Variants in DCC observed in about 807,000 individuals in gnomAD.
The protein encoded by DCC is netrin receptor DCC.
In DCC, 58 loss-of-function variants were observed where a neutral mutation model predicts 172.5. That is an observed-to-expected ratio of 0.34 (90% CI 0.27 to 0.42). DCC has a LOEUF of 0.42. DCC is among the 10% of genes least tolerant of loss of function. The pLI, the probability that DCC is intolerant of heterozygous loss-of-function variation, is 1.00. For missense variants in DCC, 1,740 were observed against 1,791.0 expected, an observed-to-expected ratio of 0.97 and a Z score of 0.51; for synonymous variants, 709 against 644.5, an observed-to-expected ratio of 1.10 and a Z score of -1.52.
At chr18:53,269,368 G>C (rs2056720589) in intron 12 of DCC, among the ~76,000 whole-genome samples, 1 of 152,026 alleles carries the variant, frequency 6.6e-6, no homozygotes, top group Non-Finnish European at 1.5e-5. Context: ...TAACAACAAT[G>C]GTCTATTTTA....
intron 5 of DCC, among the ~76,000 whole-genome samples, chr18:52,977,387 T>C (rs1029682410): frequency 2.0e-5 from 3 of 152,106 alleles, no homozygotes; most frequent in South Asian, 2.1e-4. Flanking sequence ...ATGAGGACAT[T>C]TAAAAAGATC....
At position 52,844,213 on chromosome 18, in the gene DCC, A is replaced by G. The variant is rs185766972; in HGVS notation, c.413-61831A>G. On this transcript the variant is annotated intron_variant, in intron 2 of 28. Coordinates refer to ENST00000442544, the MANE Select transcript of DCC (RefSeq NM_005215.4). The stretch of plus-strand genomic sequence containing the variant: ...CTCACCTCCATATCTACTGTGCCCA[A>G]TCTCCTCTGGGCTTCAGGAATGCCT... 8.5e-4 allele frequency among the ~76,000 whole-genome samples: 130 copies of G among 152,222 alleles called. 1 individual carries two copies. The highest frequency in any genetic ancestry group is 2.6e-4 in the Non-Finnish European group (18 of 68,000).
chr18:52,872,456 A>G (rs2039336096), intron 2 of DCC, among the ~76,000 whole-genome samples: 1 of 152,180 alleles, frequency 6.6e-6, no homozygotes, highest in Non-Finnish European at 1.5e-5. Context: ...ACGAATGCCG[A>G]TCTACCCCAG....
In DCC at chr18:53,534,171, G is replaced by T. The variant is rs1027640564; in HGVS notation, c.*3518G>T. 1.3e-5 allele frequency: 2 copies of T among 152,196 alleles called. No homozygotes were observed. The highest frequency in any genetic ancestry group is 1.3e-4 in the Admixed American group (2 of 15,282). 9.4% of individuals were successfully genotyped at this position (152,196 alleles called of 1,614,324 possible). A position where few individuals can be genotyped will look rare whatever the true frequency, so the allele number is the denominator to read the frequency against. On this transcript the variant is annotated 3_prime_UTR_variant, in exon 29 of 29. Coordinates refer to ENST00000442544, the MANE Select transcript of DCC (RefSeq NM_005215.4). The stretch of plus-strand genomic sequence containing the variant: ...AGCTGGACTGTAATTACAACAAAAG[G>T]TTACCTCTAAAGATAACATCTTACC...
chr18:52,870,364 A>G (rs1033171696), intron 2 of DCC, among the ~76,000 whole-genome samples: 3 of 151,874 alleles, frequency 2.0e-5, no homozygotes, highest in African/African-American at 7.3e-5. Flanking sequence ...TGCCACCACC[A>G]CTCGCACCTT....
intron 5 of DCC, among the ~76,000 whole-genome samples, chr18:52,979,030 A>G (rs72928173): frequency 0.035 from 5,364 of 152,220 alleles, 126 homozygotes; most frequent in African/African-American, 0.054. Context: ...ACATGCAGGT[A>G]CCTTTTTGAT....
At chr18:53,113,812 T>G (rs2043371820) in intron 7 of DCC, among the ~76,000 whole-genome samples, 1 of 151,466 alleles carries the variant, frequency 6.6e-6, no homozygotes, top group Non-Finnish European at 1.5e-5. Flanking sequence ...TAGCCATATT[T>G]TCTTTCATTT....
chr18:52,758,004 C>T (rs1392536379), intron 2 of DCC, among the ~76,000 whole-genome samples: 1 of 151,948 alleles, frequency 6.6e-6, no homozygotes, highest in Non-Finnish European at 1.5e-5. Context: ...ATGAAACTCT[C>T]CACAATACAA....
chr18:53,190,431 C>A (rs560457988), intron 9 of DCC, among the ~76,000 whole-genome samples: 1 of 150,854 alleles, frequency 6.6e-6, no homozygotes, highest in East Asian at 1.9e-4. Context: ...TTGAACCTAG[C>A]ATAATATTCC....
chr18:53,362,615 T>C (rs1013966393), intron 15 of DCC, among the ~76,000 whole-genome samples: 1 of 152,162 alleles, frequency 6.6e-6, no homozygotes, highest in South Asian at 2.1e-4. Flanking sequence ...TCTTGTACCT[T>C]CAGGAAGCAA....
chr18:52,588,510 C>T (rs1417268721), intron 1 of DCC, among the ~76,000 whole-genome samples: 2 of 152,206 alleles, frequency 1.3e-5, no homozygotes, highest in Non-Finnish European at 2.9e-5. Context: ...TGCCTACTCT[C>T]ACATTTCTTA....
chr18:52,929,339 GT>G (rs1020557769), intron 5 of DCC, among the ~76,000 whole-genome samples: 5 of 150,302 alleles, frequency 3.3e-5, no homozygotes, highest in East Asian at 2.1e-4. Context: ...CCTATTCATC[GT>G]TTTTTATTAT....
intron 1 of DCC, among the ~76,000 whole-genome samples, chr18:52,342,175 G>C (rs1164565723): frequency 3.9e-5 from 6 of 152,292 alleles, no homozygotes; most frequent in Non-Finnish European, 5.9e-5. Flanking sequence ...CCAAAGCCTC[G>C]CTCGGCCGCA....
At chr18:53,012,862 G>A (rs547626321) in intron 5 of DCC, among the ~76,000 whole-genome samples, 1 of 151,920 alleles carries the variant, frequency 6.6e-6, no homozygotes, top group African/African-American at 2.4e-5. Context: ...CATCTATAAG[G>A]AACTTAAACA....
chr18:52,435,006 T>C (rs1278896015), intron 1 of DCC, among the ~76,000 whole-genome samples: 1 of 152,254 alleles, frequency 6.6e-6, no homozygotes, highest in South Asian at 2.1e-4. Context: ...GCTAGGTGAT[T>C]CGGTTATCTC....
At chr18:53,431,302 C>A (rs1911596162) in intron 21 of DCC, among the ~76,000 whole-genome samples, 1 of 149,450 alleles carries the variant, frequency 6.7e-6, no homozygotes, top group African/African-American at 2.5e-5. Context: ...ATGAAATTAG[C>A]TGCATAAAAT....
intron 12 of DCC, among the ~76,000 whole-genome samples, chr18:53,233,352 A>G (rs1050873694): frequency 6.6e-6 from 1 of 152,170 alleles, no homozygotes; most frequent in Non-Finnish European, 1.5e-5. Context: ...TTTTTTGCCT[A>G]TATCCAAAAG....
rs903703164 is a variant in DCC, at chr18:52,575,571, T to A, written c.92-176483T>A. On this transcript the variant is annotated intron_variant, in intron 1 of 28. Coordinates refer to ENST00000442544, the MANE Select transcript of DCC (RefSeq NM_005215.4). ...AGTCACTAAACATGATTTCCTACCA[T>A]TCTTTGACTATTTGAGTTAGTTTCT... Among the ~76,000 whole-genome samples, 3 of 152,196 alleles carry A rather than the reference T, an allele frequency of 2.0e-5. No homozygotes were observed. In the South Asian group the frequency reaches 6.2e-4, roughly 32 times the overall value.
In DCC at chr18:53,217,840, GT is replaced by G. The variant is rs1240322765; in HGVS notation, c.1911+2248del. Among the ~76,000 whole-genome samples the G allele has an allele frequency of 2.0e-5, 3 of 151,998 alleles. 1 individual carries two copies. In the South Asian group the frequency reaches 6.2e-4, roughly 32 times the overall value. On this transcript the variant is annotated intron_variant, in intron 12 of 28. Transcript: ENST00000442544. ...TTTAATACTAACAGAATTCCAGGGT[GT>G]TTTTATTTTTTTTATTCTTTAGAGA... is the stretch of plus-strand genomic sequence containing the variant.
Sources: allele counts gnomAD v4.1 joint callset (sites outside exome capture counted in the v4.1 genomes callset), GRCh38; gene constraint gnomAD v4.1.1; transcripts MANE v1.5; gene names NCBI Gene and HGNC (gene_info 2026-07-23, HGNC 2026-07-21).